Variants in PCDH15 observed in about 807,000 individuals in gnomAD.
PCDH15 encodes the protein protocadherin related 15.
PCDH15 carries 129 observed loss-of-function variants against 178.5 expected under a neutral mutation model. The ratio of observed to expected loss-of-function variants is 0.72; its 90% CI spans 0.63 to 0.84. The LOEUF (loss-of-function observed/expected upper bound fraction) is 0.84, where lower values mean the gene tolerates loss of function less well. Among genes scored for constraint, PCDH15 ranks in the 40% least tolerant of loss-of-function variants. The pLI is 0.00. For synonymous variants in PCDH15, 800 were observed against 732.0 expected, an observed-to-expected ratio of 1.09 and a Z score of -1.50; for missense variants, 2,230 against 2,099.9, an observed-to-expected ratio of 1.06 and a Z score of -1.21.
In PCDH15 at chr10:54,516,278, C is replaced by A. The variant is rs563555030; in HGVS notation, c.157+11534G>T. ...CTACGCTGAGCTACAGGAGGAAATTCAAACCAATGGCAAACAAGTTAAAAA... is the reference window on the plus strand; with the variant it reads ...CTACGCTGAGCTACAGGAGGAAATTAAAACCAATGGCAAACAAGTTAAAAA... On this transcript the variant is annotated intron_variant, in intron 3 of 37. Transcript: ENST00000644397. Among the ~76,000 whole-genome samples the A allele has an allele frequency of 1.5e-4, 23 of 149,560 alleles. No homozygotes were observed. In the East Asian group the frequency reaches 4.6e-3, roughly 30 times the overall value.
intron 2 of PCDH15, among the ~76,000 whole-genome samples, chr10:54,595,934 A>G (rs1161737155): frequency 6.6e-6 from 1 of 152,116 alleles, no homozygotes; most frequent in African/African-American, 2.4e-5. Context: ...AATAAAAAGG[A>G]ATGAAGCAAA....
chr10:54,070,734 T>A (rs892080722), intron 17 of PCDH15, among the ~76,000 whole-genome samples: 4 of 152,006 alleles, frequency 2.6e-5, no homozygotes, highest in African/African-American at 4.8e-5. Flanking sequence ...GGACTACAGG[T>A]GCACGCCACT....
chr10:55,382,666 G>A (rs190483811), intron 2 of PCDH15, among the ~76,000 whole-genome samples: 190 of 152,268 alleles, frequency 1.2e-3, no homozygotes, highest in Admixed American at 0.011. Flanking sequence ...CAGGAAATTT[G>A]TAGAAAACTA....
At chr10:53,946,920 G>T (rs2086622420) in intron 23 of PCDH15, among the ~76,000 whole-genome samples, 2 of 152,044 alleles carry the variant, frequency 1.3e-5, no homozygotes, top group Admixed American at 6.6e-5. Flanking sequence ...GGGATTACAG[G>T]CGCCCACCAC....
intron 2 of PCDH15, among the ~76,000 whole-genome samples, chr10:54,627,201 A>G (rs12218247): frequency 0.014 from 2,119 of 152,120 alleles, 29 homozygotes; most frequent in East Asian, 0.062. Context: ...TGGACTTTTG[A>G]GTTAATGCTG....
At chr10:54,581,337 A>C (rs2091015788) in intron 2 of PCDH15, among the ~76,000 whole-genome samples, 1 of 152,104 alleles carries the variant, frequency 6.6e-6, no homozygotes, top group South Asian at 2.1e-4. Flanking sequence ...CATTTACAAT[A>C]CCCACAATAA....
chr10:55,064,051 G>C (rs1436872980), intron 2 of PCDH15, among the ~76,000 whole-genome samples: 2 of 152,076 alleles, frequency 1.3e-5, no homozygotes, highest in Non-Finnish European at 2.9e-5. Context: ...TATTTTGCCA[G>C]GTTTCTACAG....
chr10:54,133,523 C>T (rs1358706835), intron 14 of PCDH15, among the ~76,000 whole-genome samples: 1 of 152,052 alleles, frequency 6.6e-6, no homozygotes, highest in Non-Finnish European at 1.5e-5. Flanking sequence ...AAGAATCCTA[C>T]GTAAAATAGT....
At chr10:54,938,858 C>G (rs1203135500) in intron 2 of PCDH15, among the ~76,000 whole-genome samples, 1 of 152,012 alleles carries the variant, frequency 6.6e-6, no homozygotes, top group Non-Finnish European at 1.5e-5. Flanking sequence ...TATAGAAAAA[C>G]GTAAAGTTTC....
chr10:54,518,309 C>T (rs374912557), intron 3 of PCDH15, among the ~76,000 whole-genome samples: 10 of 151,660 alleles, frequency 6.6e-5, no homozygotes, highest in Admixed American at 1.3e-4. Context: ...ATTGATAGAC[C>T]GCTAGCAAGA....
chr10:54,750,769 T>G (rs1270877737), intron 1 of PCDH15, among the ~76,000 whole-genome samples: 1 of 152,138 alleles, frequency 6.6e-6, no homozygotes, highest in African/African-American at 2.4e-5. Flanking sequence ...GTAAATTATT[T>G]TTAAATTTTT....
intron 21 of PCDH15, among the ~76,000 whole-genome samples, chr10:53,976,796 C>A (rs2134533888): frequency 6.6e-6 from 1 of 151,954 alleles, no homozygotes; most frequent in East Asian, 1.9e-4. Context: ...TTTACGGTGT[C>A]TTTTAAATAA....
chr10:54,301,453 A>C (rs1260891134), intron 8 of PCDH15, among the ~76,000 whole-genome samples: 1 of 152,158 alleles, frequency 6.6e-6, no homozygotes, highest in African/African-American at 2.4e-5. Flanking sequence ...CTGGAAAACA[A>C]ACTCTCAGGT....
chr10:54,903,618 G>A (rs866345569), intron 2 of PCDH15, among the ~76,000 whole-genome samples: 2 of 151,742 alleles, frequency 1.3e-5, no homozygotes, highest in Middle Eastern at 3.4e-3. Context: ...AGAGCAGTAA[G>A]TATAATTAAA....
chr10:53,866,926 CT>C, intron 26 of PCDH15, 69 bp from the exon 27 acceptor site: 1 of 1,119,442 alleles, frequency 8.9e-7, no homozygotes, highest in South Asian at 1.3e-5. Flanking sequence ...AAATGGCTTA[CT>C]TTTGTTTGTA....
At chr10:54,297,485 C>T (rs914914692) in intron 8 of PCDH15, among the ~76,000 whole-genome samples, 2 of 152,114 alleles carry the variant, frequency 1.3e-5, no homozygotes, top group Non-Finnish European at 2.9e-5. Context: ...AAGGAGAATC[C>T]ACAACTATGC....
At chr10:54,584,136 C>A (rs1284432598) in intron 2 of PCDH15, among the ~76,000 whole-genome samples, 4 of 151,926 alleles carry the variant, frequency 2.6e-5, no homozygotes, top group Non-Finnish European at 5.9e-5. Flanking sequence ...CTTGTAATCC[C>A]AAAGCTTTGG....
At chr10:53,941,866 T>G (rs2086098804) in intron 23 of PCDH15, among the ~76,000 whole-genome samples, 1 of 152,200 alleles carries the variant, frequency 6.6e-6, no homozygotes, top group Non-Finnish European at 1.5e-5. Context: ...AATAGGTGTG[T>G]GGTGGTATTT....
At chr10:54,605,530 C>T (rs1223079610) in intron 2 of PCDH15, among the ~76,000 whole-genome samples, 2 of 152,210 alleles carry the variant, frequency 1.3e-5, no homozygotes, top group South Asian at 2.1e-4. Context: ...TTCCCTAACA[C>T]ATAACAAGTT....
Sources: allele counts gnomAD v4.1 joint callset (sites outside exome capture counted in the v4.1 genomes callset), GRCh38; gene constraint gnomAD v4.1.1; transcripts MANE v1.5; gene names NCBI Gene and HGNC (gene_info 2026-07-23, HGNC 2026-07-21).